LRRC71: variants seen among roughly 807,000 people sequenced by gnomAD.
LRRC71 encodes leucine-rich repeat-containing protein 71.
In LRRC71, 54 loss-of-function variants were observed where a neutral mutation model predicts 66.6. The ratio of observed to expected loss-of-function variants is 0.81; its 90% CI spans 0.65 to 1.02. The LOEUF (loss-of-function observed/expected upper bound fraction) is 1.02. LRRC71 is among the 50% of genes least tolerant of loss of function. The pLI is 0.00. For missense variants in LRRC71, 724 were observed against 718.0 expected (o/e 1.01, Z -0.10); for synonymous variants, 323 against 303.9 (o/e 1.06, Z -0.65).
downstream of LRRC71, chr1:156,935,824 G>A (rs1052232125): frequency 8.9e-6 from 6 of 677,474 alleles, no homozygotes; most frequent in African/African-American, 5.4e-5. Flanking sequence ...ACCTGACTCC[G>A]ACTTGAGCAG....
chr1:156,927,785 T>G lies in LRRC71; in HGVS notation c.875T>G (p.Ile292Ser), dbSNP rs756965408. ...TGGCTGTCCCTGGCCCACAACCGCATCCAGGACAAGGGCGCCCTGAAGCTG... is the reference window on the plus strand; with the variant it reads ...TGGCTGTCCCTGGCCCACAACCGCAGCCAGGACAAGGGCGCCCTGAAGCTG... The part of the protein sequence containing the change: ...LLWLSLAHNR[I>S]QDKGALKLAE... The change falls in exon 8 of 15, where the codon ATC becomes AGC. Residue 292 changes from isoleucine to serine, a missense_variant. By Grantham distance (142) the Ile-to-Ser change is moderately radical (BLOSUM62 -2). Transcript: ENST00000337428. 7.4e-6 allele frequency: 12 copies of G among 1,612,826 alleles called. No homozygotes were observed. The highest frequency in any genetic ancestry group is 1.0e-5 in the Non-Finnish European group (12 of 1,179,730).
At chr1:156,936,466 G>A (rs1254470756), downstream of LRRC71, among the ~76,000 whole-genome samples, 7 of 94,588 alleles carry the variant, frequency 7.4e-5, no homozygotes, top group Non-Finnish European at 1.3e-4. Context: ...GCCAGCCCTT[G>A]TCTCAAATAA....
intron 11 of LRRC71, among the ~76,000 whole-genome samples, chr1:156,930,200 C>G (rs1654157425): frequency 6.7e-6 from 1 of 150,096 alleles, no homozygotes. Context: ...TCAAGCAGTT[C>G]TCCTGCCCCA....
chr1:156,931,954 G>T lies in LRRC71; in HGVS notation c.1368G>T (p.Leu456=). Residue 456 remains leucine (L), a synonymous_variant, in exon 13 of 15, where the codon CTG becomes CTT. Coordinates refer to ENST00000337428, the MANE Select transcript of LRRC71 (RefSeq NM_144702.3). Reference sequence around the variant, plus strand: ...CTACTGAGGTGGTCAACCCTCTCCTGGAGCCTGTGGAGCACCGAGATGGGA... The same window carrying T: ...CTACTGAGGTGGTCAACCCTCTCCTTGAGCCTGTGGAGCACCGAGATGGGA... ...VEATEVVNPL[L]EPVEHRDGKV... 1.3e-6 allele frequency: 2 copies of T among 1,598,692 alleles called. No individual in the cohort carries two copies. The highest frequency in any genetic ancestry group is 1.7e-6 in the Non-Finnish European group (2 of 1,172,446).
intron 12 of LRRC71, 84 bp downstream of exon 12, chr1:156,930,701 G>A: frequency 7.7e-7 from 1 of 1,298,138 alleles, no homozygotes; most frequent in Non-Finnish European, 1.1e-6. Context: ...AGCCCCTCCT[G>A]GAATGTGGTC....
At chr1:156,928,408 C>CTTCTTCTTCTTCTTCTTCTTCTTCTTCT (rs1491124092) in intron 9 of LRRC71, among the ~76,000 whole-genome samples, 19 of 34,494 alleles carry the variant, frequency 5.5e-4, no homozygotes, top group East Asian at 3.3e-3. Context: ...CTTCTTCTTC[C>CTTCTTCTTCTTCTTCTTCTTCTTCTTCT]TCTTATTCCT....
intron 8 of LRRC71, 24 bp downstream of exon 8, chr1:156,927,840 C>T (rs1259698680): frequency 6.8e-6 from 11 of 1,612,752 alleles, no homozygotes; most frequent in Non-Finnish European, 9.3e-6. Context: ...TCAGGTGGGG[C>T]AGGGGCGTGG....
chr1:156,921,499 G>A (rs73006661), intron 1 of LRRC71: 4,203 of 315,332 alleles, frequency 0.013, 113 homozygotes, highest in African/African-American at 0.071. Flanking sequence ...TGCCAGCTTC[G>A]TCATCACGGG....
intron 5 of LRRC71, 22 bp from the exon 6 acceptor site, chr1:156,927,180 C>G (rs2101619459): frequency 6.2e-7 from 1 of 1,603,756 alleles, no homozygotes; most frequent in South Asian, 1.1e-5. Context: ...CCTTCTGGTT[C>G]TCAGATCTCC....
downstream of LRRC71, chr1:156,937,286 G>T (rs767842383): frequency 1.2e-6 from 2 of 1,613,870 alleles, no homozygotes; most frequent in African/African-American, 1.3e-5. Context: ...CTGCTCAATG[G>T]TATGGAAGAT....
At chr1:156,924,393 G>A (rs1652872263) in intron 2 of LRRC71, 31 bp from the exon 3 acceptor site, 2 of 1,542,722 alleles carry the variant, frequency 1.3e-6, no homozygotes. Context: ...GGAGGTGGCT[G>A]TTCCCCTCCC....
At chr1:156,924,306 G>T in intron 2 of LRRC71, 118 bp from the exon 3 acceptor site, 1 of 1,407,108 alleles carries the variant, frequency 7.1e-7, no homozygotes, top group Non-Finnish European at 9.5e-7. Context: ...GGCAGAGTCC[G>T]CAGGCCGGCG....
At chr1:156,936,497 A>AAATAAAAAAAAAAATATATATATATAT (rs370282821), downstream of LRRC71, among the ~76,000 whole-genome samples, 1 of 33,916 alleles carries the variant, frequency 2.9e-5, no homozygotes, top group African/African-American at 1.5e-4. Flanking sequence ...AAAAAAAAAA[A>AAATAAAAAAAAAAATATATATATATAT]ATATATATAT....
chr1:156,936,779 C>G (rs370398930), downstream of LRRC71: 43 of 1,591,026 alleles, frequency 2.7e-5, no homozygotes, highest in Non-Finnish European at 3.6e-5. Flanking sequence ...ACTTCTCCCC[C>G]AATGGTAGGA....
rs1290811030 is a variant in LRRC71 at position 156,931,991 on chromosome 1, C to T, written c.1405C>T (p.Pro469Ser). ...VEHRDGKVFM[P>S]GNKVLLHLNL... ...GCACCGAGATGGGAAAGTTTTCATGCCTGGGAACAAGGTCCTTTTGCACCT... is the reference window on the plus strand; with the variant it reads ...GCACCGAGATGGGAAAGTTTTCATGTCTGGGAACAAGGTCCTTTTGCACCT... The change falls in exon 13 of 15, where the codon CCT becomes TCT. Residue 469 changes from proline (P) to serine (S), a missense_variant. Coordinates refer to ENST00000337428, the MANE Select transcript of LRRC71 (RefSeq NM_144702.3). 2 of 1,600,430 alleles carry T rather than the reference C, an allele frequency of 1.2e-6. No individual in the cohort carries two copies. Among genetic ancestry groups the T allele is most frequent in the Non-Finnish European group, 1.7e-6 (2 of 1,173,344 alleles).
chr1:156,937,621 A>G, downstream of LRRC71: 1 of 1,057,260 alleles, frequency 9.5e-7, no homozygotes, highest in Non-Finnish European at 1.3e-6. Context: ...AGACAAACTC[A>G]GAGAACGTGG....
chr1:156,923,182 C>T (rs1374782662), intron 1 of LRRC71, among the ~76,000 whole-genome samples: 2 of 152,202 alleles, frequency 1.3e-5, no homozygotes, highest in Admixed American at 1.3e-4. Flanking sequence ...AGCACCTGCC[C>T]CTGTGGCCAG....
chr1:156,932,467 G>C lies in LRRC71; in HGVS notation c.1485G>C (p.Thr495=), dbSNP rs822430. ...TEVGLEGFLA[T]VQYQMQFSKA... is the part of the protein sequence containing the mutation. ...TGGGGCTGGAGGGCTTCCTCGCCAC[G>C]GTGCAGTATCAGATGCAGTTCTCCA... Residue 495 remains threonine (T), a synonymous_variant, in exon 14 of 15, where the codon ACG becomes ACC. Coordinates refer to ENST00000337428, the MANE Select transcript of LRRC71 (RefSeq NM_144702.3). 3.3e-5 allele frequency: 53 copies of C among 1,613,476 alleles called. No individual in the cohort carries two copies. Among genetic ancestry groups the C allele is most frequent in the Non-Finnish European group, 3.8e-5 (45 of 1,179,730 alleles).
intron 9 of LRRC71, among the ~76,000 whole-genome samples, chr1:156,928,408 C>CTTCTTCTTCTTCTTCTTCTTCTTCT (rs1491124092): frequency 1.9e-3 from 66 of 34,468 alleles, no homozygotes; most frequent in East Asian, 4.4e-3. Flanking sequence ...CTTCTTCTTC[C>CTTCTTCTTCTTCTTCTTCTTCTTCT]TCTTATTCCT....
Sources: gnomAD v4.1 joint callset for allele counts (sites outside exome capture counted in the v4.1 genomes callset) on GRCh38, gnomAD v4.1.1 for gene constraint, MANE v1.5 for transcripts, NCBI Gene and HGNC (gene_info 2026-07-23, HGNC 2026-07-21) for gene names.